The following MID2 variants were observed in gnomAD, a reference collection of about 807,000 sequenced individuals.
The protein encoded by MID2 is midline 2.
Under a neutral mutation model 46.1 loss-of-function variants are expected in MID2, and 13 were observed. The observed-to-expected ratio is 0.28, with a 90% CI of 0.18 to 0.45. The LOEUF (loss-of-function observed/expected upper bound fraction) is 0.45. Among genes scored for constraint, MID2 ranks in the 20% least tolerant of loss-of-function variants. The probability of loss-of-function intolerance (pLI) is 1.00; values close to 1 mark genes in which losing one functional copy is unlikely to be tolerated. For missense variants in MID2, 431 were observed against 575.4 expected, an observed-to-expected ratio of 0.75 and a Z score of 2.57; for synonymous variants, 199 against 212.3, an observed-to-expected ratio of 0.94 and a Z score of 0.55.
At chrX:107,892,088 C>A (rs1260318416) in intron 3 of MID2, among the ~76,000 whole-genome samples, 1 of 112,103 alleles carries the variant, frequency 8.9e-6, no homozygotes, top group African/African-American at 3.2e-5. Context: ...GGGAGTATCA[C>A]GATGGTGAAT....
At chrX:107,879,906 T>C (rs1020764344) in intron 3 of MID2, among the ~76,000 whole-genome samples, 3 of 110,322 alleles carry the variant, frequency 2.7e-5, no homozygotes, top group Non-Finnish European at 5.7e-5. Context: ...AGTTTACATG[T>C]AACTATTATA....
intron 7 of MID2, among the ~76,000 whole-genome samples, chrX:107,922,077 T>C (rs975878099): frequency 1.8e-5 from 2 of 111,994 alleles, no homozygotes; most frequent in South Asian, 7.4e-4. Context: ...CATATTTATG[T>C]GCACATACAC....
intron 2 of MID2, 54 bp from the exon 3 acceptor site, chrX:107,854,555 C>A: frequency 2.2e-6 from 2 of 903,236 alleles, no homozygotes; most frequent in Non-Finnish European, 1.6e-6. Context: ...GCTCATGGTT[C>A]TTTTTTCCCC....
rs1490651619 is a variant in MID2, at chrX:107,826,258, G to A, written c.-169G>A. ...CCGGCTGCTGCGCGGCGTCGGCGAC[G>A]GTAGCGGCAGCGGCGGCGAAGGCGG... On this transcript the variant is annotated 5_prime_UTR_variant, in exon 1 of 10. Transcript: ENST00000262843. The A allele has an allele frequency of 6.6e-6, 3 of 456,719 alleles. No individual in the cohort carries two copies. The highest frequency in any genetic ancestry group is 9.2e-6 in the Non-Finnish European group (3 of 325,029). 37.6% of individuals were successfully genotyped at this position (456,719 alleles called of 1,213,427 possible).
rs755687091 is a variant in MID2 at position 107,889,562 on chromosome X, C to A, written c.817-14396C>A. ...TGGCTGCCCTTAACATTTTTTCCTT[C>A]ATTTCAACTTTGGTGAATCTGACAA... On this transcript the variant is annotated intron_variant, in intron 3 of 9. Coordinates refer to ENST00000262843, the MANE Select transcript of MID2 (RefSeq NM_012216.4). 2.2e-4 allele frequency among the ~76,000 whole-genome samples: 25 copies of A among 111,373 alleles called. No homozygotes were observed. In the South Asian group the frequency reaches 9.2e-3, roughly 41 times the overall value.
Position 107,903,941 on chromosome X carries a change from C to T in MID2, c.817-17C>T. ...AAGGCAACAATCACTGTGTAATACT[C>T]TGAAATTTCTTGGCAGGTGAATACT... On this transcript the variant is annotated splice_polypyrimidine_tract_variant and intron_variant, in intron 3 of 9. Transcript: ENST00000262843. 1 of 1,141,647 alleles carries T rather than the reference C, an allele frequency of 8.8e-7. No individual in the cohort carries two copies. The highest frequency in any genetic ancestry group is 1.2e-6 in the Non-Finnish European group (1 of 831,820). The allele number at this position is 1,141,647 out of a possible 1,213,427, so 94.1% of individuals were successfully genotyped here.
Position 107,917,731 on chromosome X carries a change from C to A in MID2, c.1427C>A (p.Ala476Glu). Reference sequence around the variant, plus strand: ...GTAAGCTGCTCAAGATTGGCCGGGGCGCCACGAGGCAAGTGTTTGTAAGAC... The same window carrying A: ...GTAAGCTGCTCAAGATTGGCCGGGGAGCCACGAGGCAAGTGTTTGTAAGAC... ...EAVSCSRLAG[A>E]PRGLYNSVDS... The change falls in exon 7 of 10, where the codon GCG becomes GAG. Residue 476 changes from alanine (A) to glutamate (E), a missense_variant. Transcript: ENST00000262843. The A allele has an allele frequency of 8.3e-7, 1 of 1,209,011 alleles. No individual in the cohort carries two copies. Among genetic ancestry groups the A allele is most frequent in the Non-Finnish European group, 1.1e-6 (1 of 893,016 alleles).
At chrX:107,920,317 C>A (rs1003998415) in intron 7 of MID2, among the ~76,000 whole-genome samples, 2 of 111,983 alleles carry the variant, frequency 1.8e-5, no homozygotes, top group African/African-American at 6.5e-5. Flanking sequence ...TAACTTTCTT[C>A]CCACCTCTTC....
intron 2 of MID2, among the ~76,000 whole-genome samples, chrX:107,848,723 T>G (rs1931543896): frequency 8.9e-6 from 1 of 111,959 alleles, no homozygotes; most frequent in African/African-American, 3.2e-5. Context: ...CATAAGGGTG[T>G]GGGCTTCAGT....
chrX:107,915,743 T>C (rs1283904302), intron 5 of MID2, among the ~76,000 whole-genome samples: 1 of 111,657 alleles, frequency 9.0e-6, no homozygotes, highest in Admixed American at 9.5e-5. Flanking sequence ...ATCCTGTATT[T>C]ACTTCTCAAA....
chrX:107,922,489 G>A (rs1233436416), intron 7 of MID2, among the ~76,000 whole-genome samples: 2 of 111,650 alleles, frequency 1.8e-5, no homozygotes, highest in African/African-American at 6.5e-5. Context: ...GTAAAACAAT[G>A]TGTTTCCCAA....
At chrX:107,877,252 G>T (rs772149567) in intron 3 of MID2, among the ~76,000 whole-genome samples, 2 of 112,128 alleles carry the variant, frequency 1.8e-5, no homozygotes, top group East Asian at 2.8e-4. Context: ...TGAAATGAAT[G>T]GTTCCTTCCT....
At chrX:107,850,512 T>C (rs1931589292) in intron 2 of MID2, among the ~76,000 whole-genome samples, 1 of 112,383 alleles carries the variant, frequency 8.9e-6, no homozygotes, top group African/African-American at 3.2e-5. Context: ...TGTCTCATAT[T>C]GTAAGAAAAC....
At chrX:107,879,302 C>T (rs1932270150) in intron 3 of MID2, among the ~76,000 whole-genome samples, 2 of 111,672 alleles carry the variant, frequency 1.8e-5, no homozygotes, top group South Asian at 3.8e-4. Context: ...AGATGGTAAA[C>T]TTGGGGGATT....
intron 2 of MID2, among the ~76,000 whole-genome samples, chrX:107,845,525 A>ACTCTCTCTCTCTCTCTCTCTCT (rs766707051): frequency 1.1e-4 from 8 of 72,944 alleles, no homozygotes; most frequent in African/African-American, 5.3e-4. Flanking sequence ...ACACACACAC[A>ACTCTCTCTCTCTCTCTCTCTCT]CTCTCTCTCT....
chrX:107,907,823 A>C (rs962460788), intron 5 of MID2, among the ~76,000 whole-genome samples: 2 of 112,410 alleles, frequency 1.8e-5, no homozygotes, highest in Non-Finnish European at 3.8e-5. Flanking sequence ...ACTATAAGTC[A>C]TATTGCAAGA....
At chrX:107,869,723 G>A (rs927351724) in intron 3 of MID2, among the ~76,000 whole-genome samples, 5 of 110,890 alleles carry the variant, frequency 4.5e-5, no homozygotes, top group African/African-American at 1.6e-4. Context: ...TGTCCGTGCT[G>A]TGAATGGGTT....
intron 2 of MID2, among the ~76,000 whole-genome samples, chrX:107,853,133 T>G (rs959532367): frequency 5.4e-5 from 6 of 111,231 alleles, no homozygotes; most frequent in African/African-American, 6.6e-5. Context: ...ATACTCTTTT[T>G]CACATAACGA....
chrX:107,913,039 T>TA (rs1271306666), intron 5 of MID2, among the ~76,000 whole-genome samples: 1 of 110,885 alleles, frequency 9.0e-6, no homozygotes, highest in East Asian at 2.8e-4. Flanking sequence ...TTTGCTTAAA[T>TA]AAAAAAACAC....
Sources: allele counts gnomAD v4.1 joint callset (sites outside exome capture counted in the v4.1 genomes callset), GRCh38; gene constraint gnomAD v4.1.1; transcripts MANE v1.5; gene names NCBI Gene and HGNC (gene_info 2026-07-23, HGNC 2026-07-21).